The following KIF21A variants were observed in gnomAD, a reference collection of about 807,000 sequenced individuals.
KIF21A encodes the protein kinesin-like protein KIF21A.
KIF21A carries 114 observed loss-of-function variants against 202.9 expected under a neutral mutation model. The observed-to-expected ratio is 0.56, with a 90% CI of 0.48 to 0.66. KIF21A has a LOEUF of 0.66. Among genes scored for constraint, KIF21A ranks in the 30% least tolerant of loss-of-function variants. The probability of loss-of-function intolerance (pLI) is 0.00; values close to 1 mark genes in which losing one functional copy is unlikely to be tolerated. For synonymous variants in KIF21A, 667 were observed against 670.8 expected, an observed-to-expected ratio of 0.99 and a Z score of 0.09; for missense variants, 1,677 against 1,994.9, an observed-to-expected ratio of 0.84 and a Z score of 3.04.
chr12:39,425,745 T>C (rs773775523), intron 1 of KIF21A, among the ~76,000 whole-genome samples: 4 of 151,876 alleles, frequency 2.6e-5, no homozygotes, highest in Admixed American at 1.3e-4. Context: ...CTTTTACAGA[T>C]GAGGGAACAG....
intron 24 of KIF21A, among the ~76,000 whole-genome samples, 181 bp from the exon 25 acceptor site, chr12:39,326,505 T>C (rs1229159442): frequency 6.6e-6 from 1 of 152,218 alleles, no homozygotes. Context: ...CCTTTGATTG[T>C]GTGTTCTAGA....
intron 1 of KIF21A, among the ~76,000 whole-genome samples, chr12:39,388,642 T>C (rs903255303): frequency 3.3e-5 from 5 of 152,176 alleles, no homozygotes; most frequent in African/African-American, 1.2e-4. Flanking sequence ...ACACACCTAT[T>C]GTTTTGGATC....
In KIF21A at chr12:39,336,579, T is replaced by C. The variant is rs1176093965; in HGVS notation, c.2418+517A>G. On this transcript the variant is annotated intron_variant, in intron 17 of 37. Coordinates refer to ENST00000361418, the MANE Select transcript of KIF21A (RefSeq NM_001173464.2). The stretch of plus-strand genomic sequence containing the variant: ...ATTACAAAGAATCCTACAGTGAAGA[T>C]TTTGATGCATAGTATTTTTACTTGT... 6.6e-5 allele frequency among the ~76,000 whole-genome samples: 10 copies of C among 152,288 alleles called. No homozygotes were observed. The East Asian group carries it at 1.9e-3, about 29-fold the overall frequency.
chr12:39,325,498 A>ATTTTTTTTTTTTTTT (rs397714587), intron 26 of KIF21A, among the ~76,000 whole-genome samples: 355 of 121,290 alleles, frequency 2.9e-3, no homozygotes, highest in African/African-American at 5.3e-3. Context: ...CGCCCAGCTA[A>ATTTTTTTTTTTTTTT]TTTTTTTTTT....
In KIF21A at chr12:39,401,292, G is replaced by A. The variant is rs576704690; in HGVS notation, c.45-31031C>T. ...CAGTAGAAAACTTCAGTTTTCAAACGAGCTAAAAGATTAGAGAAGGATACA... is the reference window on the plus strand; with the variant it reads ...CAGTAGAAAACTTCAGTTTTCAAACAAGCTAAAAGATTAGAGAAGGATACA... On this transcript the variant is annotated intron_variant, in intron 1 of 37. Transcript: ENST00000361418. Among the ~76,000 whole-genome samples, 47 of 152,234 alleles carry A rather than the reference G, an allele frequency of 3.1e-4. No homozygotes were observed. In the South Asian group the frequency reaches 8.5e-3, roughly 28 times the overall value.
intron 1 of KIF21A, among the ~76,000 whole-genome samples, chr12:39,392,028 G>A (rs532272592): frequency 4.3e-4 from 66 of 152,102 alleles, no homozygotes; most frequent in African/African-American, 1.5e-3. Context: ...ATGAGCCACC[G>A]CACCCAGCCT....
chr12:39,322,797 G>C lies in KIF21A; in HGVS notation c.3542C>G (p.Ser1181Cys), dbSNP rs143083005. The C allele has an allele frequency of 6.2e-7, 1 of 1,614,074 alleles. No homozygotes were observed. Among genetic ancestry groups the C allele is most frequent in the South Asian group, 1.1e-5 (1 of 91,080 alleles). Residue 1181 changes from serine to cysteine, a missense_variant, in exon 27 of 38, where the codon TCC becomes TGC. By Grantham distance (112) the Ser-to-Cys change is moderately radical. This residue lies in a region of KIF21A where 705 missense variants were observed against 791.9 expected (regional missense o/e 0.89). Transcript: ENST00000361418. ...LASDTSTGDA[S>C]LPGPLTPVAE... ...AACAGGTGTGAGAGGGCCAGGCAAG[G>C]AGGCATCTCCTGTACTAGTGTCTGA...
intron 5 of KIF21A, 103 bp downstream of exon 5, chr12:39,366,927 T>C (rs1199086110): frequency 4.6e-6 from 5 of 1,091,124 alleles, no homozygotes; most frequent in Non-Finnish European, 7.0e-6. Context: ...GAAAAAGGAA[T>C]GACTAAATGA....
chr12:39,352,402 C>T (rs982627633), intron 10 of KIF21A, among the ~76,000 whole-genome samples: 4 of 151,998 alleles, frequency 2.6e-5, no homozygotes, highest in African/African-American at 9.7e-5. Context: ...TAAAAGAATG[C>T]TCACACACAT....
At chr12:39,310,814 C>T (rs1943955222) in intron 32 of KIF21A, among the ~76,000 whole-genome samples, 1 of 151,974 alleles carries the variant, frequency 6.6e-6, no homozygotes, top group Non-Finnish European at 1.5e-5. Flanking sequence ...AGCTGGTTTC[C>T]AGTTACTTGC....
chr12:39,426,871 G>A (rs1278846474), intron 1 of KIF21A, among the ~76,000 whole-genome samples: 1 of 144,698 alleles, frequency 6.9e-6, no homozygotes, highest in African/African-American at 2.6e-5. Flanking sequence ...GTGACAGAGT[G>A]AGACTCTGTT....
intron 1 of KIF21A, among the ~76,000 whole-genome samples, chr12:39,419,475 C>A (rs1954063722): frequency 2.0e-5 from 3 of 152,186 alleles, no homozygotes; most frequent in Middle Eastern, 6.8e-3. Context: ...ACCATACTGA[C>A]CAGTAATGTT....
chr12:39,433,630 T>C (rs1408098883), intron 1 of KIF21A, among the ~76,000 whole-genome samples: 1 of 152,176 alleles, frequency 6.6e-6, no homozygotes, highest in African/African-American at 2.4e-5. Context: ...GTAAAAAGTA[T>C]AACTCAAAAC....
chr12:39,342,789 AG>A (rs1013622137), intron 12 of KIF21A, among the ~76,000 whole-genome samples: 166 of 152,296 alleles, frequency 1.1e-3, no homozygotes, highest in African/African-American at 3.8e-3. Flanking sequence ...AGAAAATTTC[AG>A]GGTCTGCCGC....
intron 32 of KIF21A, among the ~76,000 whole-genome samples, chr12:39,310,072 T>C (rs1943878319): frequency 6.6e-6 from 1 of 152,118 alleles, no homozygotes; most frequent in South Asian, 2.1e-4. Context: ...CCACTGAATT[T>C]AGAATGGCAG....
At position 39,303,091 on chromosome 12, in the gene KIF21A, G is replaced by C; in HGVS notation, c.4605C>G (p.Thr1535=). The change falls in exon 36 of 38, where the codon ACC becomes ACG. Residue 1535 remains threonine, a synonymous_variant. Transcript: ENST00000361418. ...TEGALGTVSP[T]HNFEPPHYDG... ...CATAATGAGGGGGTTCAAAATTGTG[G>C]GTGGGACTCACAGTCCCAAGAGCTC... 1 of 1,613,744 alleles carries C rather than the reference G, an allele frequency of 6.2e-7. No homozygotes were observed. The highest frequency in any genetic ancestry group is 1.7e-5 in the Admixed American group (1 of 60,010).
Position 39,322,653 on chromosome 12 carries a change from C to A in KIF21A, c.3671+15G>T. 1 of 1,608,044 alleles carries A rather than the reference C, an allele frequency of 6.2e-7. No homozygotes were observed. Among genetic ancestry groups the A allele is most frequent in the Non-Finnish European group, 8.5e-7 (1 of 1,174,766 alleles). On this transcript the variant is annotated intron_variant, in intron 27 of 37. Transcript: ENST00000361418. ...GCCAAAAGAAAAGAAGTTAGTGTAG[C>A]TGGGCCAAACTTACATGCTGCCTAT...
At position 39,353,562 on chromosome 12, in the gene KIF21A, CAA is replaced by C. The variant is rs1248078745; in HGVS notation, c.1470-1584_1470-1583del. Among the ~76,000 whole-genome samples, 8 of 152,150 alleles carry C rather than the reference CAA, an allele frequency of 5.3e-5. No homozygotes were observed. In the South Asian group the frequency reaches 1.0e-3, roughly 20 times the overall value. ...TTTTCTATATTTTTAATTTCTAGCA[CAA>C]AGCCTAGGTACCTAATAATGAATGC... On this transcript the variant is annotated intron_variant, in intron 10 of 37. Transcript: ENST00000361418.
chr12:39,396,771 C>G (rs1951790533), intron 1 of KIF21A, among the ~76,000 whole-genome samples: 1 of 152,076 alleles, frequency 6.6e-6, no homozygotes, highest in Non-Finnish European at 1.5e-5. Flanking sequence ...ATATTTGCAG[C>G]ATTATTCAAA....
Sources: allele counts gnomAD v4.1 joint callset (sites outside exome capture counted in the v4.1 genomes callset), GRCh38; gene constraint gnomAD v4.1.1; regional missense constraint gnomAD v4.1.1; transcripts MANE v1.5; gene names NCBI Gene and HGNC (gene_info 2026-07-23, HGNC 2026-07-21).